UNC5A: variants seen among roughly 807,000 people sequenced by gnomAD.
The protein encoded by UNC5A is netrin receptor UNC5A.
In UNC5A, 20 loss-of-function variants were observed where a neutral mutation model predicts 87.4. The observed-to-expected ratio is 0.23, with a 90% CI of 0.16 to 0.33. The LOEUF is 0.33. Among genes scored for constraint, UNC5A ranks in the 10% least tolerant of loss-of-function variants. The pLI is 1.00. For synonymous variants in UNC5A, 438 were observed against 482.3 expected (o/e 0.91, Z 1.20); for missense variants, 844 against 1,133.4 (o/e 0.74, Z 3.67).
At chr5:176,879,231 A>T in intron 13 of UNC5A, 79 bp from the exon 14 acceptor site, 1 of 1,472,658 alleles carries the variant, frequency 6.8e-7, no homozygotes, top group Non-Finnish European at 9.1e-7. Flanking sequence ...GGAGTCTGGG[A>T]GCTCCCCCAG....
chr5:176,855,473 G>A (rs1356751935), intron 1 of UNC5A, among the ~76,000 whole-genome samples: 2 of 152,242 alleles, frequency 1.3e-5, no homozygotes, highest in Admixed American at 6.5e-5. Context: ...CCTGGACCAC[G>A]TGGCCTGCAT....
In UNC5A at chr5:176,841,822, G is replaced by T. The variant is rs772677; in HGVS notation, c.71-20802G>T. Reference sequence around the variant, plus strand: ...CAAATGGCCAACAATCATGAAAAAAGGCTCGACATCACTAATGATCAGGGA... The same window carrying T: ...CAAATGGCCAACAATCATGAAAAAATGCTCGACATCACTAATGATCAGGGA... On this transcript the variant is annotated intron_variant, in intron 1 of 14. Transcript: ENST00000329542. This position sits in a 1 kb window ranked among gnomAD's most constrained non-coding sequence, Gnocchi z 4.1. Among the ~76,000 whole-genome samples the T allele has an allele frequency of 0.088, 13,463 of 152,172 alleles. 1,347 individuals carry two copies. The highest frequency in any genetic ancestry group is 0.25 in the African/African-American group (10,531 of 41,472).
At chr5:176,831,052 A>G (rs1197777566) in intron 1 of UNC5A, among the ~76,000 whole-genome samples, 1 of 151,974 alleles carries the variant, frequency 6.6e-6, no homozygotes, top group Non-Finnish European at 1.5e-5. Flanking sequence ...GCCACACAGA[A>G]GCCCGTTCCT....
chr5:176,834,362 C>T (rs1230181280), intron 1 of UNC5A, among the ~76,000 whole-genome samples: 1 of 152,174 alleles, frequency 6.6e-6, no homozygotes, highest in Admixed American at 6.5e-5. Flanking sequence ...GTCTCCCTGT[C>T]TTCCCGGGAT....
intron 1 of UNC5A, among the ~76,000 whole-genome samples, chr5:176,816,215 C>T (rs1756583122): frequency 1.3e-5 from 2 of 152,248 alleles, no homozygotes; most frequent in African/African-American, 4.8e-5. Context: ...CTGCCACAGA[C>T]ATCAGCTGCC....
rs914759963 is a variant in UNC5A, at chr5:176,869,847, C to T, written c.722-523C>T. 17 of 575,322 alleles carry T rather than the reference C, an allele frequency of 3.0e-5. No homozygotes were observed. Among genetic ancestry groups the T allele is most frequent in the South Asian group, 6.0e-5 (3 of 50,032 alleles). 35.6% of individuals were successfully genotyped at this position (575,322 alleles called of 1,614,324 possible). A position where few individuals can be genotyped will look rare whatever the true frequency, so the allele number is the denominator to read the frequency against. Reference sequence around the variant, plus strand: ...CCATCTCCGTGCCCTGGCTCCATCGCGCCCACCAGCCTGCCCCCCCATGGC... The same window carrying T: ...CCATCTCCGTGCCCTGGCTCCATCGTGCCCACCAGCCTGCCCCCCCATGGC... On this transcript the variant is annotated intron_variant, in intron 5 of 14. Coordinates refer to ENST00000329542, the MANE Select transcript of UNC5A (RefSeq NM_133369.3). This position sits in a 1 kb window ranked among gnomAD's most constrained non-coding sequence, Gnocchi z 9.1.
intron 1 of UNC5A, among the ~76,000 whole-genome samples, chr5:176,857,013 T>A (rs962101430): frequency 1.3e-5 from 2 of 152,222 alleles, no homozygotes; most frequent in African/African-American, 4.8e-5. Context: ...GCCTCCCCTG[T>A]TCCCTTTTCC....
chr5:176,813,354 G>T (rs1332304437), intron 1 of UNC5A, among the ~76,000 whole-genome samples: 2 of 152,312 alleles, frequency 1.3e-5, no homozygotes, highest in East Asian at 3.9e-4. Context: ...CAACCATCTA[G>T]CCTGGCTCCT....
At chr5:176,830,049 AT>A (rs1454668500) in intron 1 of UNC5A, among the ~76,000 whole-genome samples, 1 of 151,660 alleles carries the variant, frequency 6.6e-6, no homozygotes, top group Non-Finnish European at 1.5e-5. Context: ...TAATTTTTGT[AT>A]TTTTAATAGA....
intron 1 of UNC5A, among the ~76,000 whole-genome samples, chr5:176,852,991 G>A (rs1264416051): frequency 6.6e-6 from 1 of 152,248 alleles, no homozygotes; most frequent in Non-Finnish European, 1.5e-5. Context: ...AACAGACTGG[G>A]AAAGGGGAGG....
Position 176,869,079 on chromosome 5 carries a change from G to C in UNC5A, c.721+115G>C. 2 of 1,204,396 alleles carry C rather than the reference G, an allele frequency of 1.7e-6. No individual in the cohort carries two copies. Among genetic ancestry groups the C allele is most frequent in the Non-Finnish European group, 2.3e-6 (2 of 883,274 alleles). The allele number at this position is 1,204,396 out of a possible 1,614,324, so 74.6% of individuals were successfully genotyped here. ...AGGCCAAAGCCAGGTGGACCAGATC[G>C]TGCCTGACTAGGCAGGATAAGCAAA... On this transcript the variant is annotated intron_variant, in intron 5 of 14. Coordinates refer to ENST00000329542, the MANE Select transcript of UNC5A (RefSeq NM_133369.3). This position sits in a 1 kb window ranked among gnomAD's most constrained non-coding sequence, Gnocchi z 9.1.
intron 1 of UNC5A, among the ~76,000 whole-genome samples, chr5:176,811,305 T>C (rs1756447718): frequency 6.6e-6 from 1 of 152,168 alleles, no homozygotes. Flanking sequence ...TCTGCCCACG[T>C]CCAGAACACA....
At chr5:176,854,589 C>T (rs1288564061) in intron 1 of UNC5A, among the ~76,000 whole-genome samples, 1 of 152,212 alleles carries the variant, frequency 6.6e-6, no homozygotes, top group African/African-American at 2.4e-5. Context: ...GAACCTGGTT[C>T]CCTTCCCATT....
At chr5:176,870,653 C>G (rs1758086881) in intron 6 of UNC5A, 119 bp downstream of exon 6, 34 of 1,189,148 alleles carry the variant, frequency 2.9e-5, no homozygotes, top group Non-Finnish European at 3.8e-5. Flanking sequence ...TCTCCAGGCT[C>G]AGGACCCACT....
In UNC5A at chr5:176,879,922, T is replaced by C. The variant is rs1241647425; in HGVS notation, c.*36T>C. 1 of 1,591,488 alleles carries C rather than the reference T, an allele frequency of 6.3e-7. No individual in the cohort carries two copies. The highest frequency in any genetic ancestry group is 8.6e-7 in the Non-Finnish European group (1 of 1,169,578). On this transcript the variant is annotated 3_prime_UTR_variant, in exon 15 of 15. Transcript: ENST00000329542. ...GCCCGACACCTACACTCTCACCAGC[T>C]TTGGCACCCACCAAGGACAGGCAGA... is the stretch of plus-strand genomic sequence containing the variant.
rs116652837 is a variant in UNC5A, at chr5:176,865,392, G to C, written c.292+2547G>C. ...TGCCTGAATGAGCAGTCGCAGGCCC[G>C]GGCCGGCACACACACCGGGAGCCCC... On this transcript the variant is annotated intron_variant, in intron 2 of 14. Coordinates refer to ENST00000329542, the MANE Select transcript of UNC5A (RefSeq NM_133369.3). This position sits in a 1 kb window ranked among gnomAD's most constrained non-coding sequence, Gnocchi z 5.3. 2 of 350,688 alleles carry C rather than the reference G, an allele frequency of 5.7e-6. No individual in the cohort carries two copies. Among genetic ancestry groups the C allele is most frequent in the African/African-American group, 2.2e-5 (1 of 46,430 alleles). 21.7% of individuals were successfully genotyped at this position (350,688 alleles called of 1,614,324 possible).
At chr5:176,871,667 C>A (rs1246418641) in intron 6 of UNC5A, among the ~76,000 whole-genome samples, 1 of 11,502 alleles carries the variant, frequency 8.7e-5, no homozygotes, top group Admixed American at 4.2e-4. Context: ...CCCACACTCG[C>A]CCCACACCAC....
chr5:176,865,949 T>C lies in UNC5A; in HGVS notation c.293-2181T>C, dbSNP rs552070905. Among the ~76,000 whole-genome samples the C allele has an allele frequency of 3.3e-5, 5 of 152,326 alleles. No homozygotes were observed. The South Asian group carries it at 1.0e-3, about 32-fold the overall frequency. Reference sequence around the variant, plus strand: ...TGCAAAACCAAGCACTGGAGTCCGGTCTGGGAGTATAACTTATTTTGTGTT... The same window carrying C: ...TGCAAAACCAAGCACTGGAGTCCGGCCTGGGAGTATAACTTATTTTGTGTT... On this transcript the variant is annotated intron_variant, in intron 2 of 14. Transcript: ENST00000329542. This position sits in a 1 kb window ranked among gnomAD's most constrained non-coding sequence, Gnocchi z 5.3.
At chr5:176,853,615 T>C (rs949463178) in intron 1 of UNC5A, among the ~76,000 whole-genome samples, 2 of 152,216 alleles carry the variant, frequency 1.3e-5, no homozygotes, top group East Asian at 1.9e-4. Context: ...CTTGCCTGTA[T>C]GTGAGCGTAG....
Sources: gnomAD v4.1 joint callset for allele counts (sites outside exome capture counted in the v4.1 genomes callset) on GRCh38, gnomAD v4.1.1 for gene constraint, Gnocchi (gnomAD v3.1) non-coding constraint, MANE v1.5 for transcripts, NCBI Gene and HGNC (gene_info 2026-07-23, HGNC 2026-07-21) for gene names.